The following C2CD5 variants were observed in gnomAD, a reference collection of about 807,000 sequenced individuals.
C2CD5 encodes C2 domain-containing protein 5.
Under a neutral mutation model 130.3 loss-of-function variants are expected in C2CD5, and 109 were observed. That is an observed-to-expected ratio of 0.84 (90% confidence interval 0.72 to 0.98). The LOEUF is 0.98. Among genes scored for constraint, C2CD5 ranks in the 50% least tolerant of loss-of-function variants. The pLI, the probability that C2CD5 is intolerant of heterozygous loss-of-function variation, is 0.00. For synonymous variants in C2CD5, 454 were observed against 429.2 expected (o/e 1.06, Z -0.71); for missense variants, 996 against 1,261.8 (o/e 0.79, Z 3.19).
At chr12:22,528,905 T>A (rs1055776908) in intron 3 of C2CD5, among the ~76,000 whole-genome samples, 5 of 152,208 alleles carry the variant, frequency 3.3e-5, no homozygotes, top group Non-Finnish European at 5.9e-5. Flanking sequence ...CTCTGAAGAT[T>A]ATTTTAAAAA....
intron 2 of C2CD5, among the ~76,000 whole-genome samples, chr12:22,536,127 A>G (rs1951793171): frequency 6.7e-6 from 1 of 149,638 alleles, no homozygotes; most frequent in Admixed American, 6.6e-5. Flanking sequence ...CTGCAGATAT[A>G]TGGCATTCTT....
intron 2 of C2CD5, among the ~76,000 whole-genome samples, chr12:22,538,747 T>C (rs1952062203): frequency 1.3e-5 from 2 of 152,240 alleles, no homozygotes; most frequent in Non-Finnish European, 2.9e-5. Flanking sequence ...ATACATACTC[T>C]GTTCTTTTGC....
chr12:22,478,492 TG>T lies in C2CD5; in HGVS notation c.1738-16del. 1.2e-6 allele frequency: 2 copies of T among 1,606,074 alleles called. No individual in the cohort carries two copies. Among genetic ancestry groups the T allele is most frequent in the Non-Finnish European group, 1.7e-6 (2 of 1,174,604 alleles). The stretch of plus-strand genomic sequence containing the variant: ...CCTGTGGCAGACTTGTAAAAAATAA[TG>T]GGGAAATAATCAGAAAAAATATCTA... On this transcript the variant is annotated splice_polypyrimidine_tract_variant and intron_variant, in intron 14 of 26. Coordinates refer to ENST00000446597, the MANE Select transcript of C2CD5 (RefSeq NM_001286176.2).
intron 3 of C2CD5, among the ~76,000 whole-genome samples, chr12:22,528,904 T>C (rs1386205572): frequency 1.3e-5 from 2 of 152,196 alleles, no homozygotes; most frequent in African/African-American, 4.8e-5. Flanking sequence ...CCTCTGAAGA[T>C]TATTTTAAAA....
chr12:22,484,936 T>A lies in C2CD5; in HGVS notation c.1359-48A>T, dbSNP rs1305443946. Reference sequence around the variant, plus strand: ...AAGATATTCTTTAAAAATGTACCAATTTTTTCAAAAATAATTATGTAACTG... The same window carrying A: ...AAGATATTCTTTAAAAATGTACCAAATTTTTCAAAAATAATTATGTAACTG... On this transcript the variant is annotated intron_variant, in intron 12 of 26. Transcript: ENST00000446597. 6.3e-6 allele frequency: 6 copies of A among 957,676 alleles called. No homozygotes were observed. In the South Asian group the frequency reaches 1.2e-4, roughly 19 times the overall value. 59.3% of individuals were successfully genotyped at this position (957,676 alleles called of 1,614,324 possible).
At chr12:22,481,462 C>T (rs993822077) in intron 14 of C2CD5, among the ~76,000 whole-genome samples, 2 of 152,060 alleles carry the variant, frequency 1.3e-5, no homozygotes, top group Non-Finnish European at 2.9e-5. Context: ...CATCAGATTC[C>T]ATATGATCAA....
chr12:22,486,187 A>G (rs758252710), intron 12 of C2CD5, among the ~76,000 whole-genome samples: 410 of 94,212 alleles, frequency 4.4e-3, no homozygotes, highest in Non-Finnish European at 6.4e-3. Flanking sequence ...GCTTGAATGG[A>G]AAAAAAAAAA....
intron 10 of C2CD5, among the ~76,000 whole-genome samples, chr12:22,501,327 C>T (rs1452422814): frequency 1.3e-5 from 2 of 152,108 alleles, no homozygotes; most frequent in Non-Finnish European, 2.9e-5. Context: ...CGTGGGACAA[C>T]GTCCTTACTA....
At chr12:22,516,396 ATTAT>A (rs1195194643) in intron 8 of C2CD5, among the ~76,000 whole-genome samples, 1 of 151,770 alleles carries the variant, frequency 6.6e-6, no homozygotes, top group East Asian at 1.9e-4. Flanking sequence ...TAGGAAAAAA[ATTAT>A]TTAGAGGTAG....
chr12:22,476,286 C>G (rs1393194889), intron 15 of C2CD5, among the ~76,000 whole-genome samples: 1 of 152,038 alleles, frequency 6.6e-6, no homozygotes, highest in Non-Finnish European at 1.5e-5. Context: ...CATAACACAA[C>G]ACTGTAATGT....
At chr12:22,488,420 T>G (rs1945866575) in intron 12 of C2CD5, among the ~76,000 whole-genome samples, 1 of 151,942 alleles carries the variant, frequency 6.6e-6, no homozygotes, top group African/African-American at 2.4e-5. Context: ...GAAAAGGCAT[T>G]TTCCTTGTTT....
intron 22 of C2CD5, among the ~76,000 whole-genome samples, chr12:22,469,321 C>G (rs946896174): frequency 1.3e-5 from 2 of 151,988 alleles, no homozygotes; most frequent in African/African-American, 4.8e-5. Flanking sequence ...AAAAAGCATT[C>G]TGTTGTGCAT....
intron 2 of C2CD5, among the ~76,000 whole-genome samples, chr12:22,543,441 G>A (rs1473369644): frequency 2.6e-5 from 4 of 152,264 alleles, no homozygotes; most frequent in African/African-American, 9.6e-5. Flanking sequence ...AGCAGGAAGT[G>A]TTGCAGTTGT....
At chr12:22,530,229 C>A (rs1388876380) in intron 3 of C2CD5, among the ~76,000 whole-genome samples, 2 of 144,068 alleles carry the variant, frequency 1.4e-5, no homozygotes, top group Non-Finnish European at 3.0e-5. Context: ...TGTATATATA[C>A]AACTATGTGT....
intron 7 of C2CD5, among the ~76,000 whole-genome samples, chr12:22,519,877 AG>A (rs1229571623): frequency 1.3e-5 from 2 of 152,080 alleles, no homozygotes; most frequent in Non-Finnish European, 2.9e-5. Flanking sequence ...AAACAAAACA[AG>A]GGGACCTTGC....
In C2CD5 at chr12:22,472,786, C is replaced by G. The variant is rs755748519; in HGVS notation, c.2065G>C (p.Glu689Gln). 7 of 1,577,234 alleles carry G rather than the reference C, an allele frequency of 4.4e-6. No individual in the cohort carries two copies. In the African/African-American group the frequency reaches 9.5e-5, roughly 21 times the overall value. ...VLEIDDTDAMEDVHSLLTDVP... is the reference protein window; with the variant it reads ...VLEIDDTDAMQDVHSLLTDVP... ...TCAGTAAGTAGAGAATGGACATCTT[C>G]CATGGCATCTGTGTCATCAATCTTA... The change falls in exon 17 of 27, where the codon GAA becomes CAA. Residue 689 changes from glutamate (E) to glutamine (Q), a missense_variant. By Grantham distance (29) the Glu-to-Gln change is conservative. Coordinates refer to ENST00000446597, the MANE Select transcript of C2CD5 (RefSeq NM_001286176.2).
chr12:22,492,318 A>C (rs943199222), intron 11 of C2CD5, among the ~76,000 whole-genome samples: 4 of 152,182 alleles, frequency 2.6e-5, no homozygotes, highest in Non-Finnish European at 4.4e-5. Context: ...AAAAGCCAGA[A>C]ACTAAGTAAG....
In C2CD5 at chr12:22,449,711, CAG is replaced by C. The variant is rs1938097459; in HGVS notation, c.*47_*48del. On this transcript the variant is annotated 3_prime_UTR_variant, in exon 27 of 27. Coordinates refer to ENST00000446597, the MANE Select transcript of C2CD5 (RefSeq NM_001286176.2). ...AAGAAGATAATTAATGACAAAATAA[CAG>C]AGATTGATGAATTTCATTTAGTTGA... 2 of 1,486,038 alleles carry C rather than the reference CAG, an allele frequency of 1.3e-6. No homozygotes were observed. Among genetic ancestry groups the C allele is most frequent in the Non-Finnish European group, 1.8e-6 (2 of 1,081,936 alleles). The allele number at this position is 1,486,038 out of a possible 1,614,324, so 92.1% of individuals were successfully genotyped here.
At chr12:22,452,474 T>C (rs926607906) in intron 26 of C2CD5, among the ~76,000 whole-genome samples, 2 of 152,106 alleles carry the variant, frequency 1.3e-5, no homozygotes, top group African/African-American at 4.8e-5. Flanking sequence ...ATAAGCTAGC[T>C]GCGAATCCAG....
Sources: gnomAD v4.1 joint callset for allele counts (sites outside exome capture counted in the v4.1 genomes callset) on GRCh38, gnomAD v4.1.1 for gene constraint, MANE v1.5 for transcripts, NCBI Gene and HGNC (gene_info 2026-07-23, HGNC 2026-07-21) for gene names.